The following PELI3 variants were observed in gnomAD, a reference collection of about 807,000 sequenced individuals.
The protein encoded by PELI3 is E3 ubiquitin-protein ligase pellino homolog 3.
PELI3 carries 19 observed loss-of-function variants against 35.5 expected under a neutral mutation model. The observed-to-expected ratio is 0.54, with a 90% confidence interval of 0.37 to 0.79. The LOEUF (loss-of-function observed/expected upper bound fraction) is 0.79, where lower values mean the gene tolerates loss of function less well. Ranked by LOEUF, PELI3 falls within the 30% of genes least tolerant of loss-of-function variation. The pLI, the probability that PELI3 is intolerant of heterozygous loss-of-function variation, is 0.00. For missense variants in PELI3, 490 were observed against 661.2 expected (o/e 0.74, Z 2.84); for synonymous variants, 262 against 279.2 (o/e 0.94, Z 0.62).
At chr11:66,470,956 C>T (rs987303227) in intron 3 of PELI3, among the ~76,000 whole-genome samples, 5 of 152,124 alleles carry the variant, frequency 3.3e-5, no homozygotes, top group Non-Finnish European at 5.9e-5. Context: ...TCACCTCTAC[C>T]GCCCCAGTGC....
rs895224871 is a variant in PELI3, at chr11:66,470,868, G to T, written c.225-374G>T. Among the ~76,000 whole-genome samples, 7 of 152,248 alleles carry T rather than the reference G, an allele frequency of 4.6e-5. No individual in the cohort carries two copies. The East Asian group carries it at 1.2e-3, about 25-fold the overall frequency. The stretch of plus-strand genomic sequence containing the variant: ...TATGGCATCCTTGGCTTGTGCCTGG[G>T]TGTGGCAGGTGGCACCTAGGTTCCT... On this transcript the variant is annotated intron_variant, in intron 3 of 7. Coordinates refer to ENST00000320740, the MANE Select transcript of PELI3 (RefSeq NM_145065.3).
At chr11:66,475,180 A>G (rs1453112226) in intron 7 of PELI3, 1 of 206,614 alleles carries the variant, frequency 4.8e-6, no homozygotes, top group African/African-American at 2.3e-5. Context: ...CAGCCTGGGC[A>G]GCCTAGCTCC....
intron 3 of PELI3, 113 bp downstream of exon 3, chr11:66,469,017 G>T: frequency 1.8e-6 from 1 of 554,642 alleles, no homozygotes; most frequent in Non-Finnish European, 3.3e-6. Flanking sequence ...AAGGCCAGGA[G>T]AGAGGAAGCA....
chr11:66,476,120 G>A lies in PELI3; in HGVS notation c.1363G>A (p.Gly455Ser), dbSNP rs35628751. 9.2e-5 allele frequency: 146 copies of A among 1,586,980 alleles called. No individual in the cohort carries two copies. Among genetic ancestry groups the A allele is most frequent in the Non-Finnish European group, 1.1e-4 (133 of 1,170,992 alleles). The change falls in exon 8 of 8, where the codon GGC becomes AGC. Residue 455 changes from glycine to serine, a missense_variant. Physicochemically the swap from Gly to Ser is moderately conservative, Grantham distance 56 (BLOSUM62 0). Around this residue, in one of 3 missense-constraint regions of PELI3, gnomAD observed 349 missense variants for 484.8 expected, o/e 0.72. Coordinates refer to ENST00000320740, the MANE Select transcript of PELI3 (RefSeq NM_145065.3). ...CCCCTTTTGCGGGGCCTGGCTTACC[G>A]GCGAGCATGGCTGCGTCCGCCTCAT... ...ACPFCGAWLT[G>S]EHGCVRLIFQ...
chr11:66,473,996 A>C lies in PELI3; in HGVS notation c.840+71A>C. Reference sequence around the variant, plus strand: ...CACAAGCTGCCCATCCCCCTGCCCAAGCCAGGAGATGATCTCCAGTCCTTC... The same window carrying C: ...CACAAGCTGCCCATCCCCCTGCCCACGCCAGGAGATGATCTCCAGTCCTTC... On this transcript the variant is annotated intron_variant, in intron 7 of 7. Transcript: ENST00000320740. The surrounding 1 kb of genome is among the most constrained non-coding windows in gnomAD (Gnocchi z 5.8). 6.4e-7 allele frequency: 1 copy of C among 1,572,084 alleles called. No homozygotes were observed. Among genetic ancestry groups the C allele is most frequent in the Non-Finnish European group, 8.6e-7 (1 of 1,157,290 alleles).
chr11:66,476,312 C>A lies in PELI3; in HGVS notation c.*145C>A. On this transcript the variant is annotated 3_prime_UTR_variant, in exon 8 of 8. Coordinates refer to ENST00000320740, the MANE Select transcript of PELI3 (RefSeq NM_145065.3). ...TGTTGGATGGGCTGTGCCCTTCCCC[C>A]CAACTGTGGCCCCCCAAGGAGGTCC... The A allele has an allele frequency of 1.1e-6, 1 of 913,768 alleles. No individual in the cohort carries two copies. 56.6% of individuals were successfully genotyped at this position (913,768 alleles called of 1,614,324 possible).
Position 66,473,422 on chromosome 11 carries a change from A to G in PELI3, c.638A>G (p.Asn213Ser). 1 of 1,612,140 alleles carries G rather than the reference A, an allele frequency of 6.2e-7. No homozygotes were observed. Among genetic ancestry groups the G allele is most frequent in the Non-Finnish European group, 8.5e-7 (1 of 1,179,102 alleles). Reference sequence around the variant, plus strand: ...GCCGCTGGCTTCGATGCCTCTAGCAACATCTTCCTTGGAGTGAGTGAGCCC... The same window carrying G: ...GCCGCTGGCTTCGATGCCTCTAGCAGCATCTTCCTTGGAGTGAGTGAGCCC... ...IYAAGFDASS[N>S]IFLGERAAKW... The change falls in exon 6 of 8, where the codon AAC (asparagine) becomes AGC (serine). Residue 213 changes from asparagine (N) to serine (S), a missense_variant. By Grantham distance (46) the Asn-to-Ser change is conservative. Coordinates refer to ENST00000320740, the MANE Select transcript of PELI3 (RefSeq NM_145065.3). This position sits in a 1 kb window ranked among gnomAD's most constrained non-coding sequence, Gnocchi z 5.8.
At chr11:66,469,273 G>A (rs563341869) in intron 3 of PELI3, among the ~76,000 whole-genome samples, 1 of 148,688 alleles carries the variant, frequency 6.7e-6, no homozygotes, top group African/African-American at 2.5e-5. Context: ...AGCAGTAATA[G>A]TGAACACTTA....
rs781778065 is a variant in PELI3, at chr11:66,475,721, C to T, written c.964C>T (p.Arg322Trp). ...APTLKQLEAQ[R>W]QEANAARPQC... The stretch of plus-strand genomic sequence containing the variant: ...CACACTGAAGCAACTGGAGGCCCAG[C>T]GGCAGGAGGCAAATGCAGCGCGGCC... Residue 322 changes from arginine to tryptophan, a missense_variant, in exon 8 of 8, where the codon CGG (arginine) becomes TGG (tryptophan). Around this residue, in one of 3 missense-constraint regions of PELI3, gnomAD observed 349 missense variants for 484.8 expected, o/e 0.72. Coordinates refer to ENST00000320740, the MANE Select transcript of PELI3 (RefSeq NM_145065.3). 9 of 1,612,048 alleles carry T rather than the reference C, an allele frequency of 5.6e-6. No individual in the cohort carries two copies. Among genetic ancestry groups the T allele is most frequent in the Non-Finnish European group, 7.6e-6 (9 of 1,179,638 alleles).
At position 66,471,230 on chromosome 11, in the gene PELI3, C is replaced by A; in HGVS notation, c.225-12C>A. 6.2e-7 allele frequency: 1 copy of A among 1,606,300 alleles called. No homozygotes were observed. Among genetic ancestry groups the A allele is most frequent in the Non-Finnish European group, 8.5e-7 (1 of 1,174,104 alleles). On this transcript the variant is annotated splice_polypyrimidine_tract_variant and intron_variant, in intron 3 of 7. Coordinates refer to ENST00000320740, the MANE Select transcript of PELI3 (RefSeq NM_145065.3). ...CTTGCAACCCCTTCTTCTTAACCCC[C>A]GACATCTACAGCTACAATGGTTGTC...
chr11:66,475,988 C>T lies in PELI3; in HGVS notation c.1231C>T (p.Pro411Ser), dbSNP rs1333918313. 6.2e-7 allele frequency: 1 copy of T among 1,612,054 alleles called. No homozygotes were observed. The highest frequency in any genetic ancestry group is 8.5e-7 in the Non-Finnish European group (1 of 1,179,846). ...EAGLCLDPGP[P>S]SHAFAPCGHV... Reference sequence around the variant, plus strand: ...CGGCCTCTGCCTGGACCCTGGGCCGCCTAGCCATGCCTTTGCACCTTGCGG... The same window carrying T: ...CGGCCTCTGCCTGGACCCTGGGCCGTCTAGCCATGCCTTTGCACCTTGCGG... The change falls in exon 8 of 8, where the codon CCT becomes TCT. Residue 411 changes from proline to serine, a missense_variant. Pro to Ser is a moderately conservative substitution (Grantham distance 74). Around this residue, in one of 3 missense-constraint regions of PELI3, gnomAD observed 349 missense variants for 484.8 expected, o/e 0.72. Coordinates refer to ENST00000320740, the MANE Select transcript of PELI3 (RefSeq NM_145065.3).
chr11:66,472,063 G>A (rs1444746906), intron 4 of PELI3, among the ~76,000 whole-genome samples: 2 of 147,604 alleles, frequency 1.4e-5, no homozygotes, highest in Non-Finnish European at 3.0e-5. Flanking sequence ...TAGTAGAGAC[G>A]GGATTTCACT....
intron 3 of PELI3, among the ~76,000 whole-genome samples, chr11:66,469,106 C>T (rs1179088654): frequency 6.6e-6 from 1 of 152,216 alleles, no homozygotes; most frequent in Non-Finnish European, 1.5e-5. Context: ...CCACTCAGAT[C>T]TTTCCCCAGG....
intron 3 of PELI3, among the ~76,000 whole-genome samples, chr11:66,470,119 C>G (rs1319477649): frequency 6.6e-6 from 1 of 152,154 alleles, no homozygotes; most frequent in South Asian, 2.1e-4. Context: ...TTTTAACAAA[C>G]TCACTAGAAG....
Position 66,467,978 on chromosome 11 carries a change from G to T in PELI3, c.-1-150G>T. Reference sequence around the variant, plus strand: ...CCCAGCAACCTCGGGCAGTTTAGAGGAGGCAGAGGGGAAGTGGTTGCCATA... The same window carrying T: ...CCCAGCAACCTCGGGCAGTTTAGAGTAGGCAGAGGGGAAGTGGTTGCCATA... On this transcript the variant is annotated intron_variant, in intron 1 of 7. Coordinates refer to ENST00000320740, the MANE Select transcript of PELI3 (RefSeq NM_145065.3). This position sits in a 1 kb window ranked among gnomAD's most constrained non-coding sequence, Gnocchi z 4.2. 2 of 954,390 alleles carry T rather than the reference G, an allele frequency of 2.1e-6. No individual in the cohort carries two copies. The highest frequency in any genetic ancestry group is 1.5e-6 in the Non-Finnish European group (1 of 686,358). The allele number at this position is 954,390 out of a possible 1,614,324, so 59.1% of individuals were successfully genotyped here.
chr11:66,474,108 C>A, intron 7 of PELI3, 183 bp downstream of exon 7: 1 of 790,852 alleles, frequency 1.3e-6, no homozygotes, highest in Non-Finnish European at 2.1e-6. Context: ...CACAGACAGG[C>A]AGACAGACCA....
At position 66,466,929 on chromosome 11, in the gene PELI3, GCCGCCGCGGGCCGGGCCCATC is replaced by G. The variant is rs1407731888; in HGVS notation, c.-92_-72del. On this transcript the variant is annotated 5_prime_UTR_variant, in exon 1 of 8. Transcript: ENST00000320740. ...TGTCCCCGTGACGAGGCAGCGCGGA[GCCGCCGCGGGCCGGGCCCATC>G]CCGCCGCAGCGGCCCGGGGCCGAGC... 1 of 150,860 alleles carries G rather than the reference GCCGCCGCGGGCCGGGCCCATC, an allele frequency of 6.6e-6. No homozygotes were observed. Among genetic ancestry groups the G allele is most frequent in the Non-Finnish European group, 1.5e-5 (1 of 67,194 alleles). 9.3% of individuals were successfully genotyped at this position (150,860 alleles called of 1,614,324 possible).
chr11:66,466,882 A>T (rs1405752951), upstream of PELI3: 1 of 151,850 alleles, frequency 6.6e-6, no homozygotes, highest in Admixed American at 6.6e-5. Context: ...GTTCGCGCTC[A>T]TCCCCCTCCC....
At chr11:66,471,150 G>A (rs1854700459) in intron 3 of PELI3, 92 bp from the exon 4 acceptor site, 5 of 1,443,186 alleles carry the variant, frequency 3.5e-6, no homozygotes, top group Non-Finnish European at 4.7e-6. Context: ...CCTAGAAGTT[G>A]GCAGTTTCCT....
Sources: allele counts gnomAD v4.1 joint callset (sites outside exome capture counted in the v4.1 genomes callset), GRCh38; gene constraint gnomAD v4.1.1; regional missense constraint gnomAD v4.1.1; non-coding constraint Gnocchi (gnomAD v3.1); transcripts MANE v1.5; gene names NCBI Gene and HGNC (gene_info 2026-07-23, HGNC 2026-07-21).